Variants in GRM5 observed in about 807,000 individuals in gnomAD.
The protein encoded by GRM5 is glutamate metabotropic receptor 5.
Under a neutral mutation model 83.1 loss-of-function variants are expected in GRM5, and 19 were observed. The ratio of observed to expected loss-of-function variants is 0.23; its 90% CI spans 0.16 to 0.34. The LOEUF (loss-of-function observed/expected upper bound fraction) is 0.34. GRM5 is among the 10% of genes least tolerant of loss of function. GRM5 has a pLI of 1.00. For synonymous variants in GRM5, 675 were observed against 633.6 expected (o/e 1.07, Z -0.98); for missense variants, 1,160 against 1,588.3 (o/e 0.73, Z 4.58).
In GRM5 at chr11:88,783,870, C is replaced by T. The variant is rs551344127; in HGVS notation, c.911+66036G>A. The stretch of plus-strand genomic sequence containing the variant: ...ATATAGGTTAGTACCTGCAAAGCAT[C>T]TATACACTGGCACATAGGAAACATT... On this transcript the variant is annotated intron_variant, in intron 3 of 9. Coordinates refer to ENST00000305447, the MANE Select transcript of GRM5 (RefSeq NM_001143831.3). Among the ~76,000 whole-genome samples, 3 of 152,172 alleles carry T rather than the reference C, an allele frequency of 2.0e-5. No individual in the cohort carries two copies. The South Asian group carries it at 6.2e-4, about 32-fold the overall frequency.
intron 3 of GRM5, among the ~76,000 whole-genome samples, chr11:88,826,363 G>C (rs1034333822): frequency 2.6e-5 from 4 of 151,730 alleles, no homozygotes; most frequent in Non-Finnish European, 4.4e-5. Flanking sequence ...AGTTCTGTAG[G>C]AATTAGTGAT....
intron 8 of GRM5, among the ~76,000 whole-genome samples, chr11:88,556,892 A>G (rs1942641747): frequency 6.6e-6 from 1 of 152,094 alleles, no homozygotes. Context: ...ATTTGCCTAT[A>G]TACCAAAAAA....
intron 2 of GRM5, among the ~76,000 whole-genome samples, chr11:88,928,178 T>C (rs797009416): frequency 6.6e-6 from 1 of 152,244 alleles, no homozygotes; most frequent in African/African-American, 2.4e-5. Flanking sequence ...ACAAAATTGA[T>C]GAGAAATTTT....
intron 7 of GRM5, among the ~76,000 whole-genome samples, chr11:88,582,038 T>C (rs1943221174): frequency 1.3e-5 from 2 of 152,206 alleles, no homozygotes; most frequent in Admixed American, 1.3e-4. Context: ...TTTCTTTCCT[T>C]CCTTCATTCA....
intron 2 of GRM5, among the ~76,000 whole-genome samples, chr11:89,019,186 T>C (rs565356244): frequency 3.8e-4 from 58 of 152,308 alleles, no homozygotes; most frequent in African/African-American, 1.4e-3. Flanking sequence ...ATTTGTCTGA[T>C]GTTTTTCTCT....
chr11:88,797,771 A>G (rs1289811468), intron 3 of GRM5, among the ~76,000 whole-genome samples: 8 of 151,674 alleles, frequency 5.3e-5, no homozygotes, highest in South Asian at 2.1e-4. Context: ...TTCTATCTAG[A>G]TTTTGAATAT....
chr11:88,931,059 G>A (rs1204773247), intron 2 of GRM5, among the ~76,000 whole-genome samples: 1 of 100,362 alleles, frequency 1.0e-5, no homozygotes, highest in African/African-American at 3.7e-5. Flanking sequence ...AAAAATGGAG[G>A]ACATTCTTTT....
At chr11:88,862,064 G>A (rs1372578608) in intron 2 of GRM5, among the ~76,000 whole-genome samples, 1 of 152,104 alleles carries the variant, frequency 6.6e-6, no homozygotes, top group African/African-American at 2.4e-5. Flanking sequence ...TTCTGTTACT[G>A]AAGCTACTCT....
intron 3 of GRM5, among the ~76,000 whole-genome samples, chr11:88,824,533 T>C (rs1262165557): frequency 2.0e-5 from 3 of 152,044 alleles, no homozygotes; most frequent in Non-Finnish European, 2.9e-5. Flanking sequence ...AGGGGGGTGG[T>C]TTCAGGGCAA....
chr11:88,620,442 C>T (rs886860108), intron 4 of GRM5, among the ~76,000 whole-genome samples: 2 of 152,030 alleles, frequency 1.3e-5, no homozygotes, highest in African/African-American at 2.4e-5. Context: ...GAACACTGCT[C>T]GACATTGTCA....
At chr11:88,548,561 T>C (rs1413369352) in intron 8 of GRM5, among the ~76,000 whole-genome samples, 1 of 152,188 alleles carries the variant, frequency 6.6e-6, no homozygotes, top group Non-Finnish European at 1.5e-5. Flanking sequence ...ACAAATATAC[T>C]TCAATTATTA....
chr11:88,700,179 A>C (rs1940995872), intron 3 of GRM5, among the ~76,000 whole-genome samples: 1 of 152,146 alleles, frequency 6.6e-6, no homozygotes, highest in Non-Finnish European at 1.5e-5. Flanking sequence ...ACCCAGAAAG[A>C]CTGGGGAAAA....
At chr11:88,971,170 C>T (rs1042110115) in intron 2 of GRM5, among the ~76,000 whole-genome samples, 14 of 152,016 alleles carry the variant, frequency 9.2e-5, no homozygotes, top group African/African-American at 3.4e-4. Flanking sequence ...CACCAGTGTG[C>T]ACAATGATCA....
chr11:88,921,077 G>T (rs1373564525), intron 2 of GRM5, among the ~76,000 whole-genome samples: 6 of 150,808 alleles, frequency 4.0e-5, no homozygotes, highest in Non-Finnish European at 7.4e-5. Flanking sequence ...AGACCACTGC[G>T]TTTTTTTTTA....
At chr11:89,037,567 A>C (rs2135134876) in intron 2 of GRM5, among the ~76,000 whole-genome samples, 1 of 152,270 alleles carries the variant, frequency 6.6e-6, no homozygotes, top group South Asian at 2.1e-4. Context: ...ATTTGAGTAC[A>C]AATACTGATT....
At chr11:89,065,399 GT>G (rs113626208) in intron 1 of GRM5, among the ~76,000 whole-genome samples, 13,652 of 142,362 alleles carry the variant, frequency 0.096, 1,376 homozygotes, top group African/African-American at 0.26. Flanking sequence ...TTCCTCCTCT[GT>G]TTTTTTTTTT....
chr11:88,562,650 T>C (rs7941977), intron 8 of GRM5, among the ~76,000 whole-genome samples: 8,162 of 152,092 alleles, frequency 0.054, 688 homozygotes, highest in African/African-American at 0.18. Flanking sequence ...TCTTCTTTGC[T>C]CTCTTCTCTG....
At chr11:88,718,591 T>C (rs984090641) in intron 3 of GRM5, among the ~76,000 whole-genome samples, 2 of 151,960 alleles carry the variant, frequency 1.3e-5, no homozygotes, top group Admixed American at 6.6e-5. Context: ...GTTGAGATAT[T>C]ATTATTAGGC....
intron 1 of GRM5, among the ~76,000 whole-genome samples, chr11:89,052,812 A>G (rs771022000): frequency 3.3e-5 from 5 of 152,198 alleles, no homozygotes; most frequent in Non-Finnish European, 7.3e-5. Flanking sequence ...GTACTCAAAC[A>G]TGCTGCAATT....
Sources: allele counts gnomAD v4.1 joint callset (sites outside exome capture counted in the v4.1 genomes callset), GRCh38; gene constraint gnomAD v4.1.1; transcripts MANE v1.5; gene names NCBI Gene and HGNC (gene_info 2026-07-23, HGNC 2026-07-21).